The following GOLGA3 variants were observed in gnomAD, a reference collection of about 807,000 sequenced individuals.
GOLGA3 encodes the protein golgin subfamily A member 3.
Under a neutral mutation model 169.4 loss-of-function variants are expected in GOLGA3, and 75 were observed. The observed-to-expected ratio is 0.44, with a 90% CI of 0.37 to 0.54. GOLGA3 has a LOEUF of 0.54. GOLGA3 is among the 20% of genes least tolerant of loss of function. The pLI, the probability that GOLGA3 is intolerant of heterozygous loss-of-function variation, is 0.00. For missense variants in GOLGA3, 1,899 were observed against 1,930.0 expected (o/e 0.98, Z 0.30); for synonymous variants, 824 against 822.4 (o/e 1.00, Z -0.03).
intron 15 of GOLGA3, among the ~76,000 whole-genome samples, chr12:132,785,010 C>T (rs1252686371): frequency 6.6e-6 from 1 of 152,208 alleles, no homozygotes; most frequent in Non-Finnish European, 1.5e-5. Context: ...TCCAGTACCA[C>T]CTAACTTAAC....
intron 4 of GOLGA3, among the ~76,000 whole-genome samples, chr12:132,812,476 AG>A (rs1433676163): frequency 6.6e-6 from 1 of 152,202 alleles, no homozygotes; most frequent in Non-Finnish European, 1.5e-5. Context: ...CCTTCTGGAA[AG>A]GATTCACCAT....
At chr12:132,799,264 C>T (rs946375279) in intron 8 of GOLGA3, among the ~76,000 whole-genome samples, 4 of 152,088 alleles carry the variant, frequency 2.6e-5, no homozygotes, top group Non-Finnish European at 5.9e-5. Flanking sequence ...CCCTCCTGAA[C>T]GTTACTGGGA....
intron 1 of GOLGA3, among the ~76,000 whole-genome samples, chr12:132,824,166 G>A (rs572009164): frequency 3.9e-5 from 6 of 152,326 alleles, no homozygotes; most frequent in South Asian, 2.1e-4. Context: ...GCAGCAGGAC[G>A]TGCCTGTCTT....
rs770830756 is a variant in GOLGA3, at chr12:132,775,152, C to T, written c.4132G>A (p.Ala1378Thr). The change falls in exon 22 of 24, where the codon GCG (alanine) becomes ACG (threonine). Residue 1378 changes from alanine to threonine, a missense_variant. Coordinates refer to ENST00000450791, the MANE Select transcript of GOLGA3 (RefSeq NM_001389683.1). ...QQLKLDLRRG[A>T]AKTRKEPKGE... ...GCGGGCCTGAGTACCGTCTTGGCCG[C>T]GCCGCGGCGTAGGTCCAGCTTGAGC... The T allele has an allele frequency of 1.3e-5, 21 of 1,613,332 alleles. No homozygotes were observed. Among genetic ancestry groups the T allele is most frequent in the South Asian group, 8.8e-5 (8 of 91,084 alleles).
In GOLGA3 at chr12:132,808,226, C is replaced by A; in HGVS notation, c.843G>T (p.Ala281=). The A allele has an allele frequency of 6.2e-7, 1 of 1,613,964 alleles. No individual in the cohort carries two copies. The highest frequency in any genetic ancestry group is 8.5e-7 in the Non-Finnish European group (1 of 1,179,966). The part of the protein sequence containing the change: ...GSLKQNRSSA[A]SVVSEISLSP... ...ACAGGCTGATCTCAGACACAACGGA[C>A]GCCGCACTGCTTCTGTTCTGCTTCA... Residue 281 remains alanine, a synonymous_variant, in exon 5 of 24, where the codon GCG becomes GCT. Transcript: ENST00000450791.
At chr12:132,815,802 G>C (rs1252650471) in intron 3 of GOLGA3, among the ~76,000 whole-genome samples, 1 of 152,198 alleles carries the variant, frequency 6.6e-6, no homozygotes, top group Non-Finnish European at 1.5e-5. Context: ...TGACAGCAGA[G>C]GCAGGAAGAT....
rs751489655 is a variant in GOLGA3 at position 132,774,218 on chromosome 12, G to A, written c.4246C>T (p.Pro1416Ser). ...GGCTCCTTGCTCACGGCGGGCGGTG[G>A]TCTCAGCAGCTCCTCCAGCAGCGAG... is the stretch of plus-strand genomic sequence containing the variant. ...PASLLEELLR[P>S]PPAVSKEPLK... The change falls in exon 23 of 24, where the codon CCA (proline) becomes TCA (serine). Residue 1416 changes from proline (P) to serine (S), a missense_variant. Transcript: ENST00000450791. The A allele has an allele frequency of 1.2e-6, 2 of 1,611,200 alleles. No individual in the cohort carries two copies. Among genetic ancestry groups the A allele is most frequent in the Non-Finnish European group, 1.7e-6 (2 of 1,179,396 alleles).
Position 132,773,207 on chromosome 12 carries a change from T to G in GOLGA3, c.4395A>C (p.Pro1465=). Residue 1465 remains proline, a synonymous_variant, in exon 24 of 24, where the codon CCA becomes CCC. Coordinates refer to ENST00000450791, the MANE Select transcript of GOLGA3 (RefSeq NM_001389683.1). ...CCGGGGGCACAGGGCTGGCAGTGGCTGGCTCCAGCGGCGTCCACGAGGACA... is the reference window on the plus strand; with the variant it reads ...CCGGGGGCACAGGGCTGGCAGTGGCGGGCTCCAGCGGCGTCCACGAGGACA... ...ESLSSWTPLE[P]ATASPVPPGG... The G allele has an allele frequency of 6.3e-7, 1 of 1,582,222 alleles. No homozygotes were observed. Among genetic ancestry groups the G allele is most frequent in the Non-Finnish European group, 8.6e-7 (1 of 1,162,646 alleles).
intron 17 of GOLGA3, among the ~76,000 whole-genome samples, chr12:132,781,574 A>T (rs2045610046): frequency 6.6e-6 from 1 of 152,158 alleles, no homozygotes; most frequent in Non-Finnish European, 1.5e-5. Flanking sequence ...CAACAAAAAA[A>T]TGGAACATGG....
intron 4 of GOLGA3, among the ~76,000 whole-genome samples, chr12:132,811,475 C>T (rs1404147302): frequency 6.6e-6 from 1 of 151,808 alleles, no homozygotes; most frequent in African/African-American, 2.4e-5. Context: ...TTCATACTTG[C>T]ATTTTTATTT....
chr12:132,780,683 C>A, intron 18 of GOLGA3, 115 bp downstream of exon 18: 1 of 706,004 alleles, frequency 1.4e-6, no homozygotes, highest in South Asian at 1.7e-5. Context: ...AACTGCAACA[C>A]ACCTTTGCTC....
At chr12:132,820,025 A>G (rs1452077112) in intron 2 of GOLGA3, among the ~76,000 whole-genome samples, 2 of 152,064 alleles carry the variant, frequency 1.3e-5, no homozygotes, top group East Asian at 3.9e-4. Context: ...TAAAAATACA[A>G]AATTAGCTGG....
chr12:132,819,127 G>A (rs866550191), intron 2 of GOLGA3, among the ~76,000 whole-genome samples: 2 of 151,168 alleles, frequency 1.3e-5, no homozygotes, highest in Non-Finnish European at 2.9e-5. Context: ...TCCTGGTTCC[G>A]GTGGCTCTGG....
At position 132,773,159 on chromosome 12, in the gene GOLGA3, G is replaced by T. The variant is rs370075864; in HGVS notation, c.4443C>A (p.Gly1481=). The change falls in exon 24 of 24, where the codon GGC becomes GGA. Residue 1481 remains glycine (G), a synonymous_variant. Transcript: ENST00000450791. ...VPPGGHAGPR[G]DPQRHSQSRA... ...TGCTCTGACTGTGTCTCTGTGGGTC[G>T]CCGCGTGGGCCGGCGTGACCCCCCG... 4.6e-5 allele frequency: 73 copies of T among 1,581,232 alleles called. No individual in the cohort carries two copies. Among genetic ancestry groups the T allele is most frequent in the Non-Finnish European group, 5.8e-5 (68 of 1,162,990 alleles).
Position 132,808,465 on chromosome 12 carries a change from T to C in GOLGA3, c.604A>G (p.Ser202Gly), listed in dbSNP as rs1432256131. 5 of 1,613,970 alleles carry C rather than the reference T, an allele frequency of 3.1e-6. No individual in the cohort carries two copies. The highest frequency in any genetic ancestry group is 3.3e-5 in the Admixed American group (2 of 60,000). Residue 202 changes from serine to glycine, a missense_variant, in exon 5 of 24, where the codon AGT becomes GGT. Ser to Gly is a moderately conservative substitution (Grantham distance 56, BLOSUM62 0). Coordinates refer to ENST00000450791, the MANE Select transcript of GOLGA3 (RefSeq NM_001389683.1). ...MLNPENLPRASTLAMTKEYSF... is the reference protein window; with the variant it reads ...MLNPENLPRAGTLAMTKEYSF... ...TATTCTTTTGTCATAGCCAGGGTACTGGCCCTTGGTAAGTTTTCTGGGTTT... is the reference window on the plus strand; with the variant it reads ...TATTCTTTTGTCATAGCCAGGGTACCGGCCCTTGGTAAGTTTTCTGGGTTT...
In GOLGA3 at chr12:132,798,244, A is replaced by C. The variant is rs1948964510; in HGVS notation, c.1938+96T>G. 3 of 1,176,376 alleles carry C rather than the reference A, an allele frequency of 2.6e-6. No individual in the cohort carries two copies. In the Admixed American group the frequency reaches 7.0e-5, roughly 27 times the overall value. 72.9% of individuals were successfully genotyped at this position (1,176,376 alleles called of 1,614,324 possible). A position where few individuals can be genotyped will look rare whatever the true frequency, so the allele number is the denominator to read the frequency against. On this transcript the variant is annotated intron_variant, in intron 9 of 23. Coordinates refer to ENST00000450791, the MANE Select transcript of GOLGA3 (RefSeq NM_001389683.1). ...CGCCATCCATGAGAATATTTAAGAGATACACACAGAGAGACGGAACATGTA... is the reference window on the plus strand; with the variant it reads ...CGCCATCCATGAGAATATTTAAGAGCTACACACAGAGAGACGGAACATGTA...
In GOLGA3 at chr12:132,821,975, C is replaced by A. The variant is rs75642266; in HGVS notation, c.133+21G>T. On this transcript the variant is annotated intron_variant, in intron 2 of 23. Transcript: ENST00000450791. ...ACCAGGTCCTCCTGTGACCAGCACACAGAGGAACCTCACGACTTACACTGG... is the reference window on the plus strand; with the variant it reads ...ACCAGGTCCTCCTGTGACCAGCACAAAGAGGAACCTCACGACTTACACTGG... 4.9e-4 allele frequency: 767 copies of A among 1,567,578 alleles called. 7 individuals carry two copies. In the East Asian group the frequency reaches 0.012, roughly 24 times the overall value.
At chr12:132,802,302 G>A (rs947738031) in intron 7 of GOLGA3, among the ~76,000 whole-genome samples, 7 of 151,604 alleles carry the variant, frequency 4.6e-5, no homozygotes, top group African/African-American at 7.3e-5. Flanking sequence ...CCGAGCTCAC[G>A]GCCAACAGCA....
At position 132,782,284 on chromosome 12, in the gene GOLGA3, G is replaced by C. The variant is rs2306546; in HGVS notation, c.3465+12C>G. 6.2e-7 allele frequency: 1 copy of C among 1,605,994 alleles called. No homozygotes were observed. The highest frequency in any genetic ancestry group is 8.5e-7 in the Non-Finnish European group (1 of 1,173,256). Reference sequence around the variant, plus strand: ...ACACCGTTGCTGGCGTGAGTTTGACGAGTTTGAATACCTGAAGGTTCAACT... The same window carrying C: ...ACACCGTTGCTGGCGTGAGTTTGACCAGTTTGAATACCTGAAGGTTCAACT... On this transcript the variant is annotated intron_variant, in intron 17 of 23. Coordinates refer to ENST00000450791, the MANE Select transcript of GOLGA3 (RefSeq NM_001389683.1).
Sources: gnomAD v4.1 joint callset for allele counts (sites outside exome capture counted in the v4.1 genomes callset) on GRCh38, gnomAD v4.1.1 for gene constraint, MANE v1.5 for transcripts, NCBI Gene and HGNC (gene_info 2026-07-23, HGNC 2026-07-21) for gene names.